The following ZEB1 variants were observed in gnomAD, a reference collection of about 807,000 sequenced individuals.
ZEB1 encodes the protein zinc finger E-box binding homeobox 1, also known as zinc finger E-box-binding homeobox 1.
In ZEB1, 21 loss-of-function variants were observed where a neutral mutation model predicts 84.9. The ratio of observed to expected loss-of-function variants is 0.25; its 90% confidence interval spans 0.18 to 0.36. ZEB1 has a LOEUF of 0.36. Ranked by LOEUF, ZEB1 falls within the 10% of genes least tolerant of loss-of-function variation. ZEB1 has a pLI of 1.00. For missense variants in ZEB1, 1,104 were observed against 1,330.2 expected (o/e 0.83, Z 2.65); for synonymous variants, 420 against 471.1 (o/e 0.89, Z 1.41).
intron 1 of ZEB1, among the ~76,000 whole-genome samples, chr10:31,339,907 C>T (rs2039012326): frequency 6.6e-6 from 1 of 152,040 alleles, no homozygotes; most frequent in South Asian, 2.1e-4. Flanking sequence ...TGTTTTGCTT[C>T]ATTTCTCTAC....
intron 1 of ZEB1, among the ~76,000 whole-genome samples, chr10:31,410,007 C>T (rs949798918): frequency 5.9e-5 from 9 of 152,290 alleles, no homozygotes; most frequent in Admixed American, 2.0e-4. Flanking sequence ...TTATTTCTTT[C>T]TCTTGCGTGA....
At chr10:31,515,049 G>C (rs1475506392) in intron 6 of ZEB1, among the ~76,000 whole-genome samples, 1 of 152,052 alleles carries the variant, frequency 6.6e-6, no homozygotes, top group Non-Finnish European at 1.5e-5. Flanking sequence ...AAAGAGTATA[G>C]AGATACGATT....
intron 1 of ZEB1, among the ~76,000 whole-genome samples, chr10:31,411,466 C>T (rs919195357): frequency 6.6e-6 from 1 of 151,894 alleles, no homozygotes; most frequent in African/African-American, 2.4e-5. Flanking sequence ...CCCGTCTCTA[C>T]TAAAAATACA....
intron 1 of ZEB1, among the ~76,000 whole-genome samples, chr10:31,441,303 G>C (rs1021884871): frequency 3.3e-5 from 5 of 152,166 alleles, no homozygotes; most frequent in Admixed American, 3.3e-4. Context: ...AGAAGAAATG[G>C]GGAAAGAATT....
At chr10:31,519,902 C>G (rs1308954024) in intron 6 of ZEB1, among the ~76,000 whole-genome samples, 1 of 152,052 alleles carries the variant, frequency 6.6e-6, no homozygotes, top group Non-Finnish European at 1.5e-5. Context: ...TGAGAAGATT[C>G]CATGATTGGT....
intron 1 of ZEB1, chr10:31,363,586 T>C (rs1452798167): frequency 3.3e-5 from 51 of 1,522,904 alleles, no homozygotes; most frequent in Non-Finnish European, 4.5e-5. Flanking sequence ...TTCTTTGGGC[T>C]CTTCTGCGCT....
chr10:31,484,027 G>T (rs1039628506), intron 2 of ZEB1, among the ~76,000 whole-genome samples: 33 of 151,986 alleles, frequency 2.2e-4, no homozygotes, highest in Non-Finnish European at 4.4e-4. Context: ...AGCTTCTAGA[G>T]GGTACCTGCA....
At chr10:31,490,123 T>C (rs1252139587) in intron 2 of ZEB1, among the ~76,000 whole-genome samples, 1 of 151,406 alleles carries the variant, frequency 6.6e-6, no homozygotes, top group Non-Finnish European at 1.5e-5. Flanking sequence ...TTTAAACTAG[T>C]TTGATTGATG....
intron 1 of ZEB1, among the ~76,000 whole-genome samples, chr10:31,449,824 T>C (rs928223179): frequency 6.6e-6 from 1 of 152,226 alleles, no homozygotes; most frequent in African/African-American, 2.4e-5. Flanking sequence ...ACCAACAGTA[T>C]GTATCAAGAA....
intron 1 of ZEB1, among the ~76,000 whole-genome samples, chr10:31,371,122 C>G (rs1031862863): frequency 6.6e-6 from 1 of 152,058 alleles, no homozygotes; most frequent in Non-Finnish European, 1.5e-5. Context: ...AACCAGCTTT[C>G]TTGTGTAGAT....
chr10:31,495,936 TTC>T (rs2067162831), intron 3 of ZEB1, 98 bp downstream of exon 3: 1 of 1,289,806 alleles, frequency 7.8e-7, no homozygotes, highest in Admixed American at 1.7e-5. Flanking sequence ...GTCCGTTTCC[TTC>T]TCTTTTATCT....
chr10:31,493,335 T>G (rs1485647417), intron 2 of ZEB1, among the ~76,000 whole-genome samples: 1 of 152,032 alleles, frequency 6.6e-6, no homozygotes. Flanking sequence ...GACTTATTTT[T>G]TAGCCCACCT....
chr10:31,505,965 T>C (rs2068907472), intron 4 of ZEB1, among the ~76,000 whole-genome samples: 1 of 152,030 alleles, frequency 6.6e-6, no homozygotes, highest in Non-Finnish European at 1.5e-5. Flanking sequence ...TAAAGAAATT[T>C]TAATTTTAAT....
rs188563673 is a variant in ZEB1 at position 31,527,277 on chromosome 10, A to C, written c.*13A>C. ...AAATGAAGCCTAATCGTTTTTCTAG[A>C]AGGAAAATAAATTCTAATTGATAAT... is the stretch of plus-strand genomic sequence containing the variant. On this transcript the variant is annotated 3_prime_UTR_variant, in exon 9 of 9. Coordinates refer to ENST00000424869, the MANE Select transcript of ZEB1 (RefSeq NM_001174096.2). 13 of 1,590,094 alleles carry C rather than the reference A, an allele frequency of 8.2e-6. No individual in the cohort carries two copies. Among genetic ancestry groups the C allele is most frequent in the Middle Eastern group, 3.3e-4 (2 of 6,056 alleles).
intron 2 of ZEB1, among the ~76,000 whole-genome samples, chr10:31,477,389 G>T (rs113056479): frequency 2.0e-5 from 3 of 151,672 alleles, no homozygotes; most frequent in Non-Finnish European, 4.4e-5. Flanking sequence ...AAAATATCTC[G>T]TGCTCATGGA....
chr10:31,520,594 T>G lies in ZEB1; in HGVS notation c.1262T>G (p.Val421Gly), dbSNP rs75910137. The G allele has an allele frequency of 6.2e-7, 1 of 1,613,970 alleles. No homozygotes were observed. Among genetic ancestry groups the G allele is most frequent in the Non-Finnish European group, 8.5e-7 (1 of 1,179,960 alleles). The change falls in exon 7 of 9, where the codon GTA becomes GGA. Residue 421 changes from valine to glycine, a missense_variant. By Grantham distance (109) the Val-to-Gly change is moderately radical (BLOSUM62 -3). Transcript: ENST00000424869. The surrounding 1 kb of genome is among the most constrained non-coding windows in gnomAD (Gnocchi z 5.1). ...ATTCAGAATGTACTTAAAGTGGCGGTAGATGGTAATGTAATAAGGCAAGTG... is the reference window on the plus strand; with the variant it reads ...ATTCAGAATGTACTTAAAGTGGCGGGAGATGGTAATGTAATAAGGCAAGTG... ...SDIQNVLKVA[V>G]DGNVIRQVLE...
intron 1 of ZEB1, among the ~76,000 whole-genome samples, chr10:31,436,109 A>G (rs1416761291): frequency 6.6e-6 from 1 of 152,194 alleles, no homozygotes; most frequent in Non-Finnish European, 1.5e-5. Context: ...TTAAGCGATA[A>G]TGTATGCAGT....
intron 1 of ZEB1, among the ~76,000 whole-genome samples, chr10:31,389,360 A>G (rs2135168170): frequency 6.6e-6 from 1 of 152,248 alleles, no homozygotes; most frequent in Non-Finnish European, 1.5e-5. Flanking sequence ...ACATACCTAT[A>G]TTAGTGTTTA....
intron 2 of ZEB1, among the ~76,000 whole-genome samples, chr10:31,493,619 GA>G (rs1442390203): frequency 6.6e-6 from 1 of 151,910 alleles, no homozygotes. Context: ...ACTGCTGCTT[GA>G]AAAATACTTA....
Sources: allele counts gnomAD v4.1 joint callset (sites outside exome capture counted in the v4.1 genomes callset), GRCh38; gene constraint gnomAD v4.1.1; non-coding constraint Gnocchi (gnomAD v3.1); transcripts MANE v1.5; gene names NCBI Gene and HGNC (gene_info 2026-07-23, HGNC 2026-07-21).